RASSF3: variants seen among roughly 807,000 people sequenced by gnomAD.
The protein encoded by RASSF3 is Ras association domain family member 3.
Under a neutral mutation model 19.9 loss-of-function variants are expected in RASSF3, and 19 were observed. The ratio of observed to expected loss-of-function variants is 0.96; its 90% CI spans 0.67 to 1.40. The LOEUF (loss-of-function observed/expected upper bound fraction) is 1.40. Among genes scored for constraint, RASSF3 ranks in the 40% most tolerant of loss-of-function variants. RASSF3 has a pLI of 0.00. For missense variants in RASSF3, 306 were observed against 289.8 expected, an observed-to-expected ratio of 1.06 and a Z score of -0.41; for synonymous variants, 110 against 104.2, an observed-to-expected ratio of 1.06 and a Z score of -0.34.
chr12:64,533,186 G>A (rs1868751263), upstream of RASSF3: 1 of 152,298 alleles, frequency 6.6e-6, no homozygotes, highest in African/African-American at 2.4e-5. Flanking sequence ...GAGTCACGCA[G>A]GTCAGCCAGG....
At chr12:64,542,077 T>C (rs966923496), downstream of RASSF3, among the ~76,000 whole-genome samples, 6 of 151,872 alleles carry the variant, frequency 4.0e-5, no homozygotes, top group Non-Finnish European at 8.8e-5. Context: ...TTTAATCCGA[T>C]GAAGAGCCTC....
chr12:64,623,064 G>C (rs529682204), intron 1 of RASSF3, among the ~76,000 whole-genome samples: 9 of 151,884 alleles, frequency 5.9e-5, no homozygotes, highest in Non-Finnish European at 8.8e-5. Context: ...CAGGTGATCC[G>C]CCTGCCTCGG....
chr12:64,596,807 G>A (rs962989903), intron 2 of RASSF3, among the ~76,000 whole-genome samples: 3 of 152,188 alleles, frequency 2.0e-5, no homozygotes, highest in South Asian at 4.1e-4. Flanking sequence ...TCAGCTCACC[G>A]CAACCTCCAC....
upstream of RASSF3, among the ~76,000 whole-genome samples, chr12:64,529,025 G>C (rs1430406457): frequency 6.6e-6 from 1 of 152,184 alleles, no homozygotes; most frequent in South Asian, 2.1e-4. Context: ...TAGAGAAAAT[G>C]CTTAATACAA....
chr12:64,541,521 G>A lies in RASSF3; in HGVS notation c.68-60G>A, dbSNP rs1868933699. The A allele has an allele frequency of 1.3e-5, 5 of 397,968 alleles. No homozygotes were observed. In the Admixed American group the frequency reaches 1.3e-4, roughly 11 times the overall value. 24.7% of individuals were successfully genotyped at this position (397,968 alleles called of 1,614,324 possible). On this transcript the variant is annotated intron_variant, in intron 1 of 1. Coordinates refer to the RASSF3 transcript ENST00000636333. ...GAGGGGGTTCAATTTCCCTTGGCCT[G>A]TTGGATGAACAGAGAACGACACAGA... is the stretch of plus-strand genomic sequence containing the variant.
Position 64,656,028 on chromosome 12 carries a change from G to GA in RASSF3, c.112-28741dup, listed in dbSNP as rs11356200. 4.4e-3 allele frequency among the ~76,000 whole-genome samples: 483 copies of GA among 108,628 alleles called. 3 individuals carry two copies. The highest frequency in any genetic ancestry group is 6.4e-3 in the Admixed American group (63 of 9,912). 71.3% of individuals were successfully genotyped at this position (108,628 alleles called of 152,430 possible). A position where few individuals can be genotyped will look rare whatever the true frequency, so the allele number is the denominator to read the frequency against. On this transcript the variant is annotated intron_variant, in intron 1 of 4. Transcript: ENST00000542104. ...GGCAACAGAGTGAGACTTTGTCTCA[G>GA]AAAAAAAAAAAAAAAAAATTATAAA...
intron 2 of RASSF3, among the ~76,000 whole-genome samples, chr12:64,581,398 C>T (rs950561831): frequency 1.3e-5 from 2 of 152,194 alleles, no homozygotes; most frequent in South Asian, 4.1e-4. Flanking sequence ...AGGTAAAGTG[C>T]TCTTTTGAAA....
chr12:64,577,145 G>A (rs1869608396), intron 2 of RASSF3, among the ~76,000 whole-genome samples: 1 of 152,148 alleles, frequency 6.6e-6, no homozygotes, highest in Non-Finnish European at 1.5e-5. Context: ...TTCCAAAAAT[G>A]TATTACAGGT....
intron 1 of RASSF3, among the ~76,000 whole-genome samples, chr12:64,614,726 C>G (rs1048185630): frequency 2.4e-5 from 3 of 122,654 alleles, no homozygotes; most frequent in Non-Finnish European, 4.9e-5. Flanking sequence ...GAGATAGATT[C>G]TTACTGTGTC....
chr12:64,590,004 GAAAAAAAA>G (rs572265732), intron 2 of RASSF3, among the ~76,000 whole-genome samples: 1 of 54,378 alleles, frequency 1.8e-5, no homozygotes, highest in Non-Finnish European at 3.6e-5. Flanking sequence ...TCGGTCTCAG[GAAAAAAAA>G]AAAAAAAAAA....
At chr12:64,511,810 G>A (rs990366715) in intron 1 of RASSF3, among the ~76,000 whole-genome samples, 4 of 151,702 alleles carry the variant, frequency 2.6e-5, no homozygotes, top group Non-Finnish European at 5.9e-5. Flanking sequence ...TGACTTATAA[G>A]ATAACCAAAC....
intron 1 of RASSF3, among the ~76,000 whole-genome samples, chr12:64,539,265 G>A (rs1176896472): frequency 6.6e-6 from 1 of 152,022 alleles, no homozygotes; most frequent in African/African-American, 2.4e-5. Context: ...GTGAGCTCAG[G>A]TGTCTCTTAC....
intron 1 of RASSF3, among the ~76,000 whole-genome samples, chr12:64,671,062 T>TGATG (rs757021415): frequency 1.3e-5 from 2 of 151,968 alleles, no homozygotes; most frequent in Non-Finnish European, 2.9e-5. Context: ...CTGGAATGGG[T>TGATG]GATGATACAG....
intron 2 of RASSF3, among the ~76,000 whole-genome samples, chr12:64,569,137 T>G (rs1302975369): frequency 6.6e-6 from 1 of 152,224 alleles, no homozygotes; most frequent in Non-Finnish European, 1.5e-5. Flanking sequence ...CTGGGCCAAG[T>G]GTAAACCCAC....
chr12:64,659,360 T>G (rs1421414485), intron 1 of RASSF3, among the ~76,000 whole-genome samples: 1 of 152,160 alleles, frequency 6.6e-6, no homozygotes, highest in Non-Finnish European at 1.5e-5. Flanking sequence ...CTGTCCTCAT[T>G]CTCTTACTAA....
At chr12:64,599,905 G>A (rs1367916352) in intron 2 of RASSF3, among the ~76,000 whole-genome samples, 4 of 151,800 alleles carry the variant, frequency 2.6e-5, no homozygotes, top group South Asian at 2.1e-4. Flanking sequence ...GGTGGCGGGC[G>A]CCTGTAGTCC....
At chr12:64,681,549 T>C (rs1321723222) in intron 1 of RASSF3, among the ~76,000 whole-genome samples, 1 of 152,162 alleles carries the variant, frequency 6.6e-6, no homozygotes, top group Non-Finnish European at 1.5e-5. Flanking sequence ...ATCCATGAGA[T>C]TTTAAGTCCC....
At chr12:64,566,849 G>T (rs1399817068) in intron 2 of RASSF3, among the ~76,000 whole-genome samples, 1 of 152,064 alleles carries the variant, frequency 6.6e-6, no homozygotes, top group Non-Finnish European at 1.5e-5. Context: ...AGGGTTTCTA[G>T]ATTCCTAAAA....
chr12:64,515,838 T>C (rs1452839245), intron 1 of RASSF3, among the ~76,000 whole-genome samples: 1 of 152,164 alleles, frequency 6.6e-6, no homozygotes, highest in African/African-American at 2.4e-5. Flanking sequence ...AAAGTACTTA[T>C]TTAACTAGAC....
Sources: gnomAD v4.1 joint callset for allele counts (sites outside exome capture counted in the v4.1 genomes callset) on GRCh38, gnomAD v4.1.1 for gene constraint, MANE v1.5 for transcripts, NCBI Gene and HGNC (gene_info 2026-07-23, HGNC 2026-07-21) for gene names.